The following SI variants were observed in gnomAD, a reference collection of about 807,000 sequenced individuals.
SI encodes the protein sucrase-isomaltase.
Under a neutral mutation model 253.3 loss-of-function variants are expected in SI, and 235 were observed. That is an observed-to-expected ratio of 0.93 (90% CI 0.83 to 1.03). The LOEUF is 1.03. Ranked by LOEUF, SI falls within the 50% of genes least tolerant of loss-of-function variation. The pLI, the probability that SI is intolerant of heterozygous loss-of-function variation, is 0.00. For synonymous variants in SI, 819 were observed against 712.0 expected (o/e 1.15, Z -2.39); for missense variants, 2,442 against 2,211.1 (o/e 1.10, Z -2.09).
intron 45 of SI, among the ~76,000 whole-genome samples, chr3:164,985,927 G>A (rs1397178009): frequency 1.3e-5 from 2 of 152,072 alleles, no homozygotes; most frequent in Non-Finnish European, 2.9e-5. Flanking sequence ...ATTTCACATG[G>A]CTAGGAGTTT....
At chr3:164,980,742 T>C (rs924145196) in intron 47 of SI, among the ~76,000 whole-genome samples, 2 of 152,048 alleles carry the variant, frequency 1.3e-5, no homozygotes, top group African/African-American at 2.4e-5. Context: ...TGGTTTGTTT[T>C]TATGCTACAT....
In SI at chr3:165,021,510, T is replaced by C. The variant is rs980651531; in HGVS notation, c.3100-127A>G. On this transcript the variant is annotated intron_variant, in intron 26 of 47. Transcript: ENST00000264382. ...TTTTTCTCCACATAATTTCTAATTC[T>C]ACATTCATGGTCCATATAACCATAT... 7 of 767,760 alleles carry C rather than the reference T, an allele frequency of 9.1e-6. No individual in the cohort carries two copies. The Admixed American group carries it at 1.2e-4, about 13-fold the overall frequency. The allele number at this position is 767,760 out of a possible 1,614,324, so 47.6% of individuals were successfully genotyped here.
intron 44 of SI, among the ~76,000 whole-genome samples, chr3:164,988,073 A>G (rs896314190): frequency 1.3e-5 from 2 of 152,178 alleles, no homozygotes; most frequent in Non-Finnish European, 2.9e-5. Flanking sequence ...CTTGTGAACT[A>G]AATACTTGCT....
At chr3:164,983,144 A>G in intron 45 of SI, 93 bp from the exon 46 acceptor site, 1 of 1,218,244 alleles carries the variant, frequency 8.2e-7, no homozygotes, top group Non-Finnish European at 1.2e-6. Context: ...TCCCAGTATA[A>G]AAAGTAGCAA....
chr3:164,991,328 T>C, intron 44 of SI, 25 bp downstream of exon 44: 1 of 1,613,160 alleles, frequency 6.2e-7, no homozygotes. Context: ...AAATTTAACC[T>C]GAGCTTTGTA....
In SI at chr3:164,982,121, A is replaced by G. The variant is rs1717216392; in HGVS notation, c.5415+122T>C. On this transcript the variant is annotated intron_variant, in intron 47 of 47. Transcript: ENST00000264382. The stretch of plus-strand genomic sequence containing the variant: ...TAAATATGGAGGCCTAATGAAAAGG[A>G]ATATATGAAGAATGTCATAATTGAC... 1.3e-5 allele frequency: 9 copies of G among 708,980 alleles called. No individual in the cohort carries two copies. The South Asian group carries it at 1.7e-4, about 13-fold the overall frequency. The allele number at this position is 708,980 out of a possible 1,614,324, so 43.9% of individuals were successfully genotyped here.
Position 164,980,858 on chromosome 3 carries a change from C to T in SI, c.5415+1385G>A, listed in dbSNP as rs556997222. 1.2e-4 allele frequency among the ~76,000 whole-genome samples: 19 copies of T among 152,022 alleles called. No individual in the cohort carries two copies. In the South Asian group the frequency reaches 1.7e-3, roughly 13 times the overall value. On this transcript the variant is annotated intron_variant, in intron 47 of 47. Coordinates refer to ENST00000264382, the MANE Select transcript of SI (RefSeq NM_001041.4). ...CCATAAAAGTTGTGAGCTTAATTTT[C>T]GCCATTGTAATTTAGTAAATAAAAG...
the SI span, among the ~76,000 whole-genome samples, chr3:165,088,229 C>T: frequency 6.6e-6 from 1 of 151,966 alleles, no homozygotes; most frequent in African/African-American, 2.4e-5. Context: ...GCCTGTAATC[C>T]CAGCTACTCT....
chr3:165,047,116 CTG>C (rs1713162393), intron 15 of SI, 104 bp from the exon 16 acceptor site: 1 of 882,150 alleles, frequency 1.1e-6, no homozygotes. Context: ...TATAGTTTGG[CTG>C]TGTCCCCACC....
At chr3:165,072,487 C>T (rs142661523) in intron 3 of SI, among the ~76,000 whole-genome samples, 2 of 151,958 alleles carry the variant, frequency 1.3e-5, no homozygotes, top group African/African-American at 4.8e-5. Flanking sequence ...GCAACATCTC[C>T]TAAAGCAAAA....
At chr3:164,996,405 AT>A in intron 40 of SI, 129 bp downstream of exon 40, 1 of 672,386 alleles carries the variant, frequency 1.5e-6, no homozygotes, top group East Asian at 2.6e-5. Context: ...CCTCCAGACA[AT>A]TTCCTCACTA....
chr3:165,032,559 T>C lies in SI; in HGVS notation c.2699A>G (p.Asn900Ser), dbSNP rs565258890. 1.2e-5 allele frequency: 20 copies of C among 1,609,264 alleles called. No homozygotes were observed. Among genetic ancestry groups the C allele is most frequent in the Admixed American group, 1.2e-4 (7 of 59,618 alleles). ...VRVAENNQPM[N>S]AHSNFTYDAS... ...ATCATAAGTGAAATTGGAATGAGCG[T>C]TCATTGGTTGATTATTTTCCGCCAC... is the stretch of plus-strand genomic sequence containing the variant. Residue 900 changes from asparagine (N) to serine (S), a missense_variant, in exon 24 of 48, where the codon AAC becomes AGC. Asn to Ser is a conservative substitution (Grantham distance 46, BLOSUM62 1). Transcript: ENST00000264382.
At chr3:165,070,596 G>T (rs954855159) in intron 3 of SI, among the ~76,000 whole-genome samples, 1 of 151,552 alleles carries the variant, frequency 6.6e-6, no homozygotes, top group Non-Finnish European at 1.5e-5. Flanking sequence ...CTCTATGAAA[G>T]ATTTGTATAT....
At chr3:165,021,494 A>C (rs555497175) in intron 26 of SI, 111 bp from the exon 27 acceptor site, 1 of 866,354 alleles carries the variant, frequency 1.2e-6, no homozygotes, top group African/African-American at 1.7e-5. Context: ...ATTTTTCTCC[A>C]CATAATTTCT....
rs143922205 is a variant in SI, at chr3:165,042,656, C to G, written c.2004+403G>C. Among the ~76,000 whole-genome samples, 355 of 152,142 alleles carry G rather than the reference C, an allele frequency of 2.3e-3. 2 individuals are homozygous for G. The highest frequency in any genetic ancestry group is 4.1e-3 in the Non-Finnish European group (279 of 67,980). On this transcript the variant is annotated intron_variant, in intron 17 of 47. Coordinates refer to ENST00000264382, the MANE Select transcript of SI (RefSeq NM_001041.4). ...TCTTTAAATTCTTGTTTTACATGAA[C>G]TAAACACAAACTCAAAATCCATGAC... is the stretch of plus-strand genomic sequence containing the variant.
intron 24 of SI, among the ~76,000 whole-genome samples, chr3:165,031,504 ATTAC>A (rs1451722772): frequency 1.3e-5 from 2 of 149,894 alleles, no homozygotes; most frequent in East Asian, 1.9e-4. Flanking sequence ...ATAAGCTTGT[ATTAC>A]TTAATTTATA....
Position 164,995,319 on chromosome 3 carries a change from A to G in SI, c.4693-914T>C, listed in dbSNP as rs917397494. 9.9e-5 allele frequency among the ~76,000 whole-genome samples: 15 copies of G among 151,788 alleles called. No individual in the cohort carries two copies. In the East Asian group the frequency reaches 1.7e-3, roughly 18 times the overall value. ...GTCCAAGAACTGTTAAGCTGTATGT[A>G]ATCCTATTGCTGGTATTTCCAAAGT... is the stretch of plus-strand genomic sequence containing the variant. On this transcript the variant is annotated intron_variant, in intron 40 of 47. Transcript: ENST00000264382.
intron 32 of SI, 58 bp downstream of exon 32, chr3:165,015,894 A>G: frequency 6.8e-7 from 1 of 1,480,960 alleles, no homozygotes. Flanking sequence ...CCACCTGCTC[A>G]TTTTAGGTGA....
intron 28 of SI, among the ~76,000 whole-genome samples, 158 bp downstream of exon 28, chr3:165,019,444 G>C (rs567328856): frequency 6.8e-4 from 103 of 151,890 alleles, no homozygotes; most frequent in African/African-American, 2.1e-3. Context: ...GTGACTTTTT[G>C]GGTTTGTTTC....
Sources: allele counts gnomAD v4.1 joint callset (sites outside exome capture counted in the v4.1 genomes callset), GRCh38; gene constraint gnomAD v4.1.1; transcripts MANE v1.5; gene names NCBI Gene and HGNC (gene_info 2026-07-23, HGNC 2026-07-21).